The following FGF14 variants were observed in gnomAD, a reference collection of about 807,000 sequenced individuals.
FGF14 encodes fibroblast growth factor 14, also known as fibroblast growth factor homologous factor 4.
FGF14 carries 5 observed loss-of-function variants against 25.5 expected under a neutral mutation model. The observed-to-expected ratio is 0.20, with a 90% CI of 0.10 to 0.41. The LOEUF (loss-of-function observed/expected upper bound fraction) is 0.41, where lower values mean the gene tolerates loss of function less well. FGF14 is among the 10% of genes least tolerant of loss of function. The probability of loss-of-function intolerance (pLI) is 1.00; values close to 1 mark genes in which losing one functional copy is unlikely to be tolerated. For missense variants in FGF14, 222 were observed against 320.1 expected, an observed-to-expected ratio of 0.69 and a Z score of 2.34; for synonymous variants, 138 against 118.3, an observed-to-expected ratio of 1.17 and a Z score of -1.08.
intron 1 of FGF14, among the ~76,000 whole-genome samples, chr13:102,279,568 TA>T: frequency 6.6e-6 from 1 of 152,328 alleles, no homozygotes; most frequent in East Asian, 1.9e-4. Flanking sequence ...CACTAATTTG[TA>T]ATACTAATTC....
intron 1 of FGF14, among the ~76,000 whole-genome samples, chr13:102,298,015 C>T (rs1346757392): frequency 6.6e-6 from 1 of 151,960 alleles, no homozygotes; most frequent in East Asian, 1.9e-4. Context: ...TGTACTGTTG[C>T]AGTGTAAGAA....
rs1264757871 is a variant in FGF14 at position 101,721,386 on chromosome 13, A to AAAG, written c.*1442_*1444dup. 1.3e-5 allele frequency: 2 copies of AAAG among 152,020 alleles called. No homozygotes were observed. The highest frequency in any genetic ancestry group is 2.4e-5 in the African/African-American group (1 of 41,378). The allele number at this position is 152,020 out of a possible 1,614,324, so 9.4% of individuals were successfully genotyped here. A position where few individuals can be genotyped will look rare whatever the true frequency, so the allele number is the denominator to read the frequency against. ...AAAAGGAAATTAAGAATGCAAAATA[A>AAAG]AAGAAAATAAATGGAATGGACCAAA... On this transcript the variant is annotated 3_prime_UTR_variant, in exon 5 of 5. Transcript: ENST00000376143.
intron 1 of FGF14, among the ~76,000 whole-genome samples, chr13:102,261,202 C>A (rs997921623): frequency 6.6e-6 from 1 of 152,048 alleles, no homozygotes; most frequent in African/African-American, 2.4e-5. Context: ...AAACAAGGCA[C>A]CAAAAACAAA....
chr13:102,052,608 C>A (rs1271553760), intron 1 of FGF14, among the ~76,000 whole-genome samples: 3 of 151,130 alleles, frequency 2.0e-5, no homozygotes, highest in Non-Finnish European at 4.4e-5. Flanking sequence ...CCTTATAGGC[C>A]AGGAAAAAGT....
In FGF14 at chr13:101,868,842, C is replaced by T. The variant is rs765928609; in HGVS notation, c.305-14G>A. 1 of 1,550,526 alleles carries T rather than the reference C, an allele frequency of 6.4e-7. No homozygotes were observed. Among genetic ancestry groups the T allele is most frequent in the Admixed American group, 1.7e-5 (1 of 59,944 alleles). On this transcript the variant is annotated splice_polypyrimidine_tract_variant and intron_variant, in intron 2 of 4. Coordinates refer to ENST00000376143, the MANE Select transcript of FGF14 (RefSeq NM_004115.4). ...GGTTGAAGAGTGCTGTGAAGATAAA[C>T]ATTGTCTATCATGAATGGGCAGGAA...
intron 1 of FGF14, among the ~76,000 whole-genome samples, chr13:102,041,850 A>C (rs1027261348): frequency 1.3e-5 from 2 of 152,184 alleles, no homozygotes; most frequent in African/African-American, 4.8e-5. Flanking sequence ...ACCTTTGGAC[A>C]TGATTTCCTC....
At chr13:102,367,273 C>T (rs2057741531) in intron 1 of FGF14, 1 of 152,168 alleles carries the variant, frequency 6.6e-6, no homozygotes, top group African/African-American at 2.4e-5. Flanking sequence ...TCGAGACGGC[C>T]CACTCTCATG....
chr13:102,165,806 A>G (rs9585866), intron 1 of FGF14, among the ~76,000 whole-genome samples: 4,228 of 130,414 alleles, frequency 0.032, 217 homozygotes, highest in African/African-American at 0.14. Flanking sequence ...AACTTAAAGT[A>G]TAATAATAAT....
At chr13:101,775,548 C>T (rs1339815158) in intron 3 of FGF14, among the ~76,000 whole-genome samples, 2 of 151,972 alleles carry the variant, frequency 1.3e-5, no homozygotes, top group Non-Finnish European at 2.9e-5. Flanking sequence ...GTTAGAGTTG[C>T]CAAGTAGCTT....
intron 3 of FGF14, among the ~76,000 whole-genome samples, chr13:101,808,274 C>T (rs1001090675): frequency 6.6e-6 from 1 of 152,010 alleles, no homozygotes; most frequent in African/African-American, 2.4e-5. Flanking sequence ...AGATAGCTTT[C>T]TCTATCTCTC....
chr13:101,967,016 T>C (rs1051569272), intron 1 of FGF14, among the ~76,000 whole-genome samples: 1 of 152,234 alleles, frequency 6.6e-6, no homozygotes, highest in African/African-American at 2.4e-5. Flanking sequence ...AGTTTTTTAA[T>C]AAGAACATCC....
chr13:101,924,065 A>G (rs917019762), intron 1 of FGF14, among the ~76,000 whole-genome samples: 2 of 152,260 alleles, frequency 1.3e-5, no homozygotes, highest in South Asian at 4.1e-4. Context: ...GTAGTGGAAG[A>G]TTAAAATACC....
intron 1 of FGF14, among the ~76,000 whole-genome samples, chr13:102,077,850 G>T (rs1344319386): frequency 2.0e-5 from 3 of 152,140 alleles, no homozygotes; most frequent in Non-Finnish European, 4.4e-5. Context: ...GTTTACTGCA[G>T]CATTGTTCAC....
At chr13:102,053,410 A>G (rs1425639626) in intron 1 of FGF14, among the ~76,000 whole-genome samples, 1 of 152,108 alleles carries the variant, frequency 6.6e-6, no homozygotes, top group Admixed American at 6.6e-5. Context: ...ATTATTTCAA[A>G]TAACAAAAGA....
intron 1 of FGF14, among the ~76,000 whole-genome samples, chr13:102,375,317 G>C (rs1176930818): frequency 6.6e-6 from 1 of 152,124 alleles, no homozygotes; most frequent in Non-Finnish European, 1.5e-5. Flanking sequence ...AGTATTTTGT[G>C]CTCCTGTATC....
chr13:102,260,329 C>A (rs753223019), intron 1 of FGF14, among the ~76,000 whole-genome samples: 3 of 152,176 alleles, frequency 2.0e-5, no homozygotes, highest in Non-Finnish European at 2.9e-5. Flanking sequence ...GGAAACCCAA[C>A]CACGCTTTTT....
At chr13:102,085,849 A>T (rs1296761803) in intron 1 of FGF14, among the ~76,000 whole-genome samples, 1 of 152,202 alleles carries the variant, frequency 6.6e-6, no homozygotes, top group Non-Finnish European at 1.5e-5. Flanking sequence ...AAATCACTCT[A>T]CCTTATATAT....
At chr13:101,850,479 T>C (rs1384104016) in intron 3 of FGF14, among the ~76,000 whole-genome samples, 20 of 1,838 alleles carry the variant, frequency 0.011, 2 homozygotes, top group Non-Finnish European at 5.8e-3. Context: ...TATATATATA[T>C]ATATATATAT....
intron 1 of FGF14, among the ~76,000 whole-genome samples, chr13:101,959,654 C>A (rs2036721114): frequency 6.6e-6 from 1 of 152,190 alleles, no homozygotes; most frequent in Non-Finnish European, 1.5e-5. Context: ...GGTTAAATTC[C>A]ACAAGCAAAT....
Sources: gnomAD v4.1 joint callset for allele counts (sites outside exome capture counted in the v4.1 genomes callset) on GRCh38, gnomAD v4.1.1 for gene constraint, MANE v1.5 for transcripts, NCBI Gene and HGNC (gene_info 2026-07-23, HGNC 2026-07-21) for gene names.